Variants in GPHN observed in about 807,000 individuals in gnomAD.
The protein encoded by GPHN is gephyrin.
In GPHN, 17 loss-of-function variants were observed where a neutral mutation model predicts 95.5. The ratio of observed to expected loss-of-function variants is 0.18; its 90% CI spans 0.12 to 0.27. The LOEUF (loss-of-function observed/expected upper bound fraction) is 0.27. Among genes scored for constraint, GPHN ranks in the 10% least tolerant of loss-of-function variants. The pLI, the probability that GPHN is intolerant of heterozygous loss-of-function variation, is 1.00. For missense variants in GPHN, 660 were observed against 978.1 expected (o/e 0.67, Z 4.34); for synonymous variants, 320 against 322.5 (o/e 0.99, Z 0.08).
the GPHN span, among the ~76,000 whole-genome samples, chr14:67,534,805 A>G: frequency 6.6e-6 from 1 of 152,184 alleles, no homozygotes; most frequent in Admixed American, 6.5e-5. Context: ...AAAAAATCCA[A>G]AGAAATGTCT....
the GPHN span, among the ~76,000 whole-genome samples, chr14:67,699,589 C>CAAAA: frequency 9.1e-3 from 463 of 50,760 alleles, 20 homozygotes; most frequent in African/African-American, 0.035. Flanking sequence ...GACCCTATCT[C>CAAAA]AAAAAAAAAA....
At chr14:66,848,284 T>A (rs1205704202) in intron 4 of GPHN, among the ~76,000 whole-genome samples, 1 of 152,096 alleles carries the variant, frequency 6.6e-6, no homozygotes, top group Non-Finnish European at 1.5e-5. Context: ...ATATTTGCAT[T>A]GTAATCAAAG....
At chr14:67,268,553 A>C in the GPHN span, among the ~76,000 whole-genome samples, 3 of 152,222 alleles carry the variant, frequency 2.0e-5, no homozygotes, top group Non-Finnish European at 4.4e-5. Flanking sequence ...GGGATGGGCA[A>C]TTCGCAGAAC....
chr14:67,401,892 G>A, the GPHN span, among the ~76,000 whole-genome samples: 537 of 152,296 alleles, frequency 3.5e-3, 18 homozygotes, highest in East Asian at 0.088. Context: ...GGGAGGCCGA[G>A]GTGGGCGGAT....
intron 1 of GPHN, among the ~76,000 whole-genome samples, chr14:66,617,452 G>A (rs1378127139): frequency 1.3e-5 from 2 of 152,178 alleles, no homozygotes; most frequent in East Asian, 1.9e-4. Flanking sequence ...TTGGCTATGG[G>A]GAGGGTGTTC....
At chr14:67,430,090 CGA>C in the GPHN span, among the ~76,000 whole-genome samples, 1 of 152,122 alleles carries the variant, frequency 6.6e-6, no homozygotes, top group Non-Finnish European at 1.5e-5. Flanking sequence ...AAAACTCCTG[CGA>C]GAGGAGCCCG....
At chr14:67,457,811 A>G in the GPHN span, among the ~76,000 whole-genome samples, 8 of 152,240 alleles carry the variant, frequency 5.3e-5, no homozygotes, top group African/African-American at 1.9e-4. Context: ...GGCTCTAGCC[A>G]CTGTGAAATG....
chr14:67,491,202 G>A, the GPHN span, among the ~76,000 whole-genome samples: 1 of 152,218 alleles, frequency 6.6e-6, no homozygotes. Context: ...TTATCACAAA[G>A]GGTGCAGATG....
chr14:67,067,946 C>T (rs2076131069), intron 11 of GPHN, among the ~76,000 whole-genome samples: 1 of 152,226 alleles, frequency 6.6e-6, no homozygotes, highest in Admixed American at 6.5e-5. Flanking sequence ...TCGACTCGCC[C>T]TCCATGGGCT....
At chr14:67,599,562 A>AAC in the GPHN span, among the ~76,000 whole-genome samples, 1 of 152,330 alleles carries the variant, frequency 6.6e-6, no homozygotes. Context: ...CACACAGATA[A>AAC]ACACACACAC....
At chr14:66,897,437 C>T (rs2064908912) in intron 5 of GPHN, among the ~76,000 whole-genome samples, 1 of 151,970 alleles carries the variant, frequency 6.6e-6, no homozygotes, top group Non-Finnish European at 1.5e-5. Flanking sequence ...AGTGGCTGTA[C>T]TATTGCTTTT....
the GPHN span, among the ~76,000 whole-genome samples, chr14:67,265,315 C>T: frequency 2.0e-5 from 3 of 151,982 alleles, no homozygotes; most frequent in Non-Finnish European, 2.9e-5. Flanking sequence ...CTCAGAGATT[C>T]GGGAGGCTGA....
At chr14:67,468,069 G>A in the GPHN span, among the ~76,000 whole-genome samples, 27,557 of 151,990 alleles carry the variant, frequency 0.18, 2,723 homozygotes, top group Non-Finnish European at 0.23. Context: ...TGCCTCCTGG[G>A]TTCAAGCGAT....
the GPHN span, among the ~76,000 whole-genome samples, chr14:67,639,981 G>T: frequency 2.1e-5 from 3 of 143,250 alleles, no homozygotes; most frequent in African/African-American, 7.8e-5. Flanking sequence ...GTTGTCAACA[G>T]ACAGAGGAAA....
chr14:66,592,701 T>TACTCTGAC (rs2061793108), intron 1 of GPHN, among the ~76,000 whole-genome samples: 1 of 152,166 alleles, frequency 6.6e-6, no homozygotes, highest in Non-Finnish European at 1.5e-5. Context: ...ACACTGTTGG[T>TACTCTGAC]CAGAGTGTGA....
intron 9 of GPHN, among the ~76,000 whole-genome samples, chr14:67,002,801 T>A (rs1875049130): frequency 6.6e-6 from 1 of 151,584 alleles, no homozygotes; most frequent in Admixed American, 6.6e-5. Flanking sequence ...GTATTTATTG[T>A]TATATTAAAG....
At chr14:67,229,557 G>C in the GPHN span, among the ~76,000 whole-genome samples, 2 of 152,168 alleles carry the variant, frequency 1.3e-5, no homozygotes, top group East Asian at 1.9e-4. Context: ...TATTGTTTTG[G>C]TAGGGCTACA....
the GPHN span, chr14:67,390,597 G>T: frequency 2.7e-6 from 3 of 1,126,452 alleles, no homozygotes; most frequent in Non-Finnish European, 4.1e-6. Flanking sequence ...TGCCCGCCAT[G>T]CCAGGAGAGG....
the GPHN span, among the ~76,000 whole-genome samples, chr14:67,674,188 C>A: frequency 2.0e-5 from 3 of 152,230 alleles, no homozygotes; most frequent in African/African-American, 7.2e-5. Context: ...GGAACTGAAT[C>A]CCGAGGTCCA....
Sources: allele counts gnomAD v4.1 joint callset (sites outside exome capture counted in the v4.1 genomes callset), GRCh38; gene constraint gnomAD v4.1.1; transcripts MANE v1.5; gene names NCBI Gene and HGNC (gene_info 2026-07-23, HGNC 2026-07-21).